The following CACNA1C variants were observed in gnomAD, a reference collection of about 807,000 sequenced individuals.
The protein encoded by CACNA1C is voltage-dependent L-type calcium channel subunit alpha-1C.
A neutral mutation model predicts 229.0 loss-of-function variants in CACNA1C; 30 were observed. The observed-to-expected ratio is 0.13, with a 90% CI of 0.10 to 0.18. CACNA1C has a LOEUF of 0.18. Among genes scored for constraint, CACNA1C ranks in the 10% least tolerant of loss-of-function variants. The pLI is 1.00. For synonymous variants in CACNA1C, 1,114 were observed against 1,132.5 expected, an observed-to-expected ratio of 0.98 and a Z score of 0.33; for missense variants, 1,658 against 2,845.0, an observed-to-expected ratio of 0.58 and a Z score of 9.49.
At chr12:2,503,559 G>T (rs973972990) in intron 7 of CACNA1C, among the ~76,000 whole-genome samples, 5 of 152,180 alleles carry the variant, frequency 3.3e-5, no homozygotes, top group African/African-American at 1.2e-4. Flanking sequence ...GGTACAGGGG[G>T]CTGATTTATT....
intron 1 of CACNA1C, among the ~76,000 whole-genome samples, chr12:2,015,154 G>T (rs1051989115): frequency 1.3e-5 from 2 of 152,176 alleles, no homozygotes; most frequent in African/African-American, 4.8e-5. Context: ...TTACCAGTCA[G>T]GGGACTCTGC....
upstream of CACNA1C, chr12:2,049,489 A>G (rs1290404917): frequency 6.6e-6 from 1 of 152,206 alleles, no homozygotes; most frequent in East Asian, 1.9e-4. Context: ...ATTGCTTCCA[A>G]AGAAAATATC....
intron 13 of CACNA1C, among the ~76,000 whole-genome samples, chr12:2,568,618 A>T (rs1215442327): frequency 6.6e-6 from 1 of 152,256 alleles, no homozygotes. Context: ...ACATGCTACA[A>T]AGTAGATGAA....
intron 3 of CACNA1C, among the ~76,000 whole-genome samples, chr12:2,438,998 T>G (rs1180489515): frequency 1.3e-5 from 2 of 152,156 alleles, no homozygotes; most frequent in African/African-American, 4.8e-5. Context: ...CCAGGAGTAA[T>G]TCAGCCCTGA....
chr12:2,320,821 T>A (rs2095949213), intron 3 of CACNA1C, among the ~76,000 whole-genome samples: 1 of 152,134 alleles, frequency 6.6e-6, no homozygotes, highest in East Asian at 1.9e-4. Flanking sequence ...CAGCTAGGGG[T>A]AGGAGCAGGA....
At chr12:2,323,146 G>C (rs911252507) in intron 3 of CACNA1C, among the ~76,000 whole-genome samples, 2 of 151,974 alleles carry the variant, frequency 1.3e-5, no homozygotes, top group African/African-American at 2.4e-5. Flanking sequence ...TTGCACACAC[G>C]GGAGACAGCC....
chr12:2,335,671 C>A lies in CACNA1C; in HGVS notation c.478-113305C>A, dbSNP rs375892969. 1.8e-3 allele frequency among the ~76,000 whole-genome samples: 278 copies of A among 152,184 alleles called. 2 individuals are homozygous for A. The highest frequency in any genetic ancestry group is 6.2e-3 in the African/African-American group (259 of 41,528). ...CAGAAACACTGGGTGAGGGACCGGC[C>A]CTCCCTTTGAGTGCTTCCTCCCTGC... On this transcript the variant is annotated intron_variant, in intron 3 of 46. Transcript: ENST00000399655.
chr12:2,693,489 G>C lies in CACNA1C; in HGVS notation c.*2290G>C, dbSNP rs2097810022. On this transcript the variant is annotated 3_prime_UTR_variant, in exon 47 of 47. Transcript: ENST00000399655. ...CCCAACAAGGACAGCAGGGGCTCGA[G>C]AAAGGAACTGGTGAAACCCTGATCC... The C allele has an allele frequency of 6.6e-6, 1 of 152,190 alleles. No homozygotes were observed. Among genetic ancestry groups the C allele is most frequent in the Non-Finnish European group, 1.5e-5 (1 of 68,052 alleles). The allele number at this position is 152,190 out of a possible 1,614,324, so 9.4% of individuals were successfully genotyped here.
rs530859773 is a variant in CACNA1C, at chr12:2,146,358, G to A, written c.477+25928G>A. 9.2e-5 allele frequency among the ~76,000 whole-genome samples: 14 copies of A among 151,476 alleles called. 1 individual carries two copies. The highest frequency in any genetic ancestry group is 4.2e-4 in the South Asian group (2 of 4,762). On this transcript the variant is annotated intron_variant, in intron 3 of 46. Coordinates refer to ENST00000399655, the MANE Select transcript of CACNA1C (RefSeq NM_000719.7). ...TGTGAAGTGGCACTTGAGTGAGGCC[G>A]TCATCAGCATAGGAATCAGAATCAT...
At chr12:2,182,558 A>G (rs1409050871) in intron 3 of CACNA1C, among the ~76,000 whole-genome samples, 1 of 151,928 alleles carries the variant, frequency 6.6e-6, no homozygotes, top group Admixed American at 6.6e-5. Context: ...ACTTTGGGGA[A>G]ATGACTTCTC....
At chr12:2,351,723 C>G (rs568895455) in intron 3 of CACNA1C, among the ~76,000 whole-genome samples, 1 of 152,202 alleles carries the variant, frequency 6.6e-6, no homozygotes, top group Non-Finnish European at 1.5e-5. Context: ...CAGCATTGCA[C>G]GCCTGTGTCC....
intron 13 of CACNA1C, among the ~76,000 whole-genome samples, chr12:2,579,982 C>T (rs1568551386): frequency 6.6e-6 from 1 of 152,188 alleles, no homozygotes; most frequent in Non-Finnish European, 1.5e-5. Flanking sequence ...GAGAGGTTCT[C>T]TTACTTTTTC....
intron 3 of CACNA1C, among the ~76,000 whole-genome samples, chr12:2,334,967 T>C (rs867015628): frequency 8.5e-5 from 13 of 152,174 alleles, no homozygotes; most frequent in Non-Finnish European, 1.6e-4. Context: ...CTCTTTAAGC[T>C]TTTCCCCCAT....
rs2097685555 is a variant in CACNA1C at position 2,689,203 on chromosome 12, C to T, written c.6117+424C>T. Among the ~76,000 whole-genome samples the T allele has an allele frequency of 6.6e-6, 1 of 152,124 alleles. No homozygotes were observed. Among genetic ancestry groups the T allele is most frequent in the South Asian group, 2.1e-4 (1 of 4,832 alleles). ...GCTCTTCGATGATTTTAACGTGTAG[C>T]AAGGTTGAGAGCCACTAGCCTAGAA... On this transcript the variant is annotated intron_variant, in intron 46 of 46. Coordinates refer to ENST00000399655, the MANE Select transcript of CACNA1C (RefSeq NM_000719.7). The surrounding 1 kb of genome is among the most constrained non-coding windows in gnomAD (Gnocchi z 4.2).
intron 3 of CACNA1C, among the ~76,000 whole-genome samples, chr12:2,239,959 G>A (rs562600527): frequency 3.9e-5 from 6 of 152,326 alleles, no homozygotes; most frequent in African/African-American, 1.4e-4. Flanking sequence ...TGGAAATAAG[G>A]TTAAAATTGA....
intron 3 of CACNA1C, among the ~76,000 whole-genome samples, chr12:2,414,683 C>T (rs892972420): frequency 2.0e-5 from 3 of 152,172 alleles, no homozygotes; most frequent in Admixed American, 1.3e-4. Context: ...ACAGGGCATA[C>T]GAGCTCATTA....
chr12:2,289,269 TTG>T (rs1402298892), intron 3 of CACNA1C, among the ~76,000 whole-genome samples: 1 of 151,928 alleles, frequency 6.6e-6, no homozygotes, highest in Non-Finnish European at 1.5e-5. Flanking sequence ...CAGCAGCAAA[TTG>T]TGTGTCTTTG....
At chr12:2,190,808 A>T (rs533427763) in intron 3 of CACNA1C, among the ~76,000 whole-genome samples, 1 of 152,182 alleles carries the variant, frequency 6.6e-6, no homozygotes, top group Non-Finnish European at 1.5e-5. Context: ...GGGTGGCAAG[A>T]AGGGTTATTC....
chr12:2,385,583 C>T (rs1206379909), intron 3 of CACNA1C, among the ~76,000 whole-genome samples: 4 of 152,118 alleles, frequency 2.6e-5, no homozygotes, highest in African/African-American at 7.2e-5. Context: ...AAATTTGCAA[C>T]AGTCTCTTGA....
Sources: allele counts gnomAD v4.1 joint callset (sites outside exome capture counted in the v4.1 genomes callset), GRCh38; gene constraint gnomAD v4.1.1; non-coding constraint Gnocchi (gnomAD v3.1); transcripts MANE v1.5; gene names NCBI Gene and HGNC (gene_info 2026-07-23, HGNC 2026-07-21).